Variants in CD109 observed in about 807,000 individuals in gnomAD.
CD109 encodes CD109 molecule, also known as CD109 antigen.
Under a neutral mutation model 165.8 loss-of-function variants are expected in CD109, and 149 were observed. The observed-to-expected ratio is 0.90, with a 90% CI of 0.79 to 1.03. The LOEUF is 1.03. CD109 is among the 50% of genes least tolerant of loss of function. The pLI is 0.00. For missense variants in CD109, 1,712 were observed against 1,677.8 expected (o/e 1.02, Z -0.36); for synonymous variants, 585 against 592.1 (o/e 0.99, Z 0.18).
intron 30 of CD109, 67 bp from the exon 31 acceptor site, chr6:73,818,321 A>G: frequency 6.5e-7 from 1 of 1,533,782 alleles, no homozygotes; most frequent in Non-Finnish European, 9.0e-7. Context: ...TTTTGTATGA[A>G]GATAATTTGA....
chr6:73,827,978 T>A lies in CD109; in HGVS notation c.*4345T>A, dbSNP rs1776323054. 6.5e-6 allele frequency: 1 copy of A among 154,796 alleles called. No homozygotes were observed. Among genetic ancestry groups the A allele is most frequent in the Admixed American group, 6.5e-5 (1 of 15,278 alleles). 9.6% of individuals were successfully genotyped at this position (154,796 alleles called of 1,614,324 possible). A position where few individuals can be genotyped will look rare whatever the true frequency, so the allele number is the denominator to read the frequency against. On this transcript the variant is annotated 3_prime_UTR_variant, in exon 33 of 33. Coordinates refer to ENST00000287097, the MANE Select transcript of CD109 (RefSeq NM_133493.5). ...TGTTCCATTTGTAGATCTTTAAGAT[T>A]TTATCTTTGATAACTTTAATAGAAT...
At chr6:73,701,571 C>CAG (rs1771081545) in intron 2 of CD109, among the ~76,000 whole-genome samples, 1 of 152,148 alleles carries the variant, frequency 6.6e-6, no homozygotes, top group Non-Finnish European at 1.5e-5. Flanking sequence ...ACTGTCCTCT[C>CAG]ATCTGTTAAG....
intron 26 of CD109, 144 bp from the exon 27 acceptor site, chr6:73,809,840 G>T: frequency 1.7e-6 from 1 of 578,290 alleles, no homozygotes; most frequent in South Asian, 2.4e-5. Flanking sequence ...ATAAATACAT[G>T]TCTGGCATAA....
At chr6:73,738,161 C>A (rs1434439769) in intron 5 of CD109, among the ~76,000 whole-genome samples, 1 of 152,188 alleles carries the variant, frequency 6.6e-6, no homozygotes, top group African/African-American at 2.4e-5. Flanking sequence ...TTCAGTCCAG[C>A]TTGGTGATAA....
At position 73,807,014 on chromosome 6, in the gene CD109, G is replaced by C; in HGVS notation, c.3131G>C (p.Ser1044Thr). 1 of 1,613,964 alleles carries C rather than the reference G, an allele frequency of 6.2e-7. No individual in the cohort carries two copies. The highest frequency in any genetic ancestry group is 2.2e-5 in the East Asian group (1 of 44,858). ...IHSELQGGNK[S>T]PVTLTAYIVT... The stretch of plus-strand genomic sequence containing the variant: ...AGTGAGCTTCAAGGTGGCAATAAAA[G>C]TCCAGTAACACTTACAGCCTATATT... Residue 1044 changes from serine to threonine, a missense_variant, in exon 25 of 33, where the codon AGT becomes ACT. Transcript: ENST00000287097.
At chr6:73,716,424 C>T (rs1260217512) in intron 2 of CD109, among the ~76,000 whole-genome samples, 1 of 152,200 alleles carries the variant, frequency 6.6e-6, no homozygotes, top group Non-Finnish European at 1.5e-5. Context: ...CTTTCCTCCA[C>T]ATCCTCATCA....
chr6:73,794,955 T>C (rs946940294), intron 23 of CD109, among the ~76,000 whole-genome samples: 1 of 151,522 alleles, frequency 6.6e-6, no homozygotes, highest in Non-Finnish European at 1.5e-5. Flanking sequence ...ATTTAAGTGG[T>C]ACCAAGTGGT....
intron 5 of CD109, among the ~76,000 whole-genome samples, chr6:73,742,487 G>T (rs190300521): frequency 1.3e-5 from 2 of 152,230 alleles, no homozygotes; most frequent in African/African-American, 4.8e-5. Flanking sequence ...GCTAATGTTG[G>T]TGTCTGAGAA....
chr6:73,743,255 A>G (rs1391653430), intron 5 of CD109, among the ~76,000 whole-genome samples: 2 of 152,202 alleles, frequency 1.3e-5, no homozygotes, highest in Non-Finnish European at 2.9e-5. Context: ...CATCTTTTCT[A>G]TCTGTCACTA....
intron 13 of CD109, among the ~76,000 whole-genome samples, chr6:73,767,464 G>C (rs895024642): frequency 1.3e-5 from 2 of 152,050 alleles, no homozygotes; most frequent in Non-Finnish European, 2.9e-5. Flanking sequence ...CCTTTGATGG[G>C]CATTTAGGTT....
At chr6:73,811,980 C>T (rs1475008233) in intron 28 of CD109, among the ~76,000 whole-genome samples, 1 of 152,130 alleles carries the variant, frequency 6.6e-6, no homozygotes, top group African/African-American at 2.4e-5. Flanking sequence ...AATGTGCCCT[C>T]CCATGGGCAG....
At chr6:73,793,203 A>G (rs1775036826) in intron 23 of CD109, among the ~76,000 whole-genome samples, 2 of 152,214 alleles carry the variant, frequency 1.3e-5, no homozygotes, top group African/African-American at 4.8e-5. Flanking sequence ...TCTCTTCTTA[A>G]AGAATTCGCT....
intron 2 of CD109, among the ~76,000 whole-genome samples, chr6:73,719,902 G>T (rs1329606336): frequency 6.6e-6 from 1 of 152,170 alleles, no homozygotes; most frequent in East Asian, 1.9e-4. Context: ...CTTCAATTCA[G>T]TATAGAATAT....
intron 2 of CD109, among the ~76,000 whole-genome samples, chr6:73,703,843 A>G (rs1193348149): frequency 6.6e-6 from 1 of 152,166 alleles, no homozygotes; most frequent in Non-Finnish European, 1.5e-5. Context: ...TCCAAATTGT[A>G]TTTATTAAAA....
chr6:73,722,247 A>G (rs564235987), intron 2 of CD109, among the ~76,000 whole-genome samples: 110 of 152,336 alleles, frequency 7.2e-4, no homozygotes, highest in Non-Finnish European at 1.1e-3. Context: ...ACATATTTCA[A>G]GTGTTTTCTA....
At chr6:73,823,307 T>A in intron 32 of CD109, 151 bp from the exon 33 acceptor site, 1 of 626,326 alleles carries the variant, frequency 1.6e-6, no homozygotes, top group Non-Finnish European at 2.7e-6. Context: ...GGACCACTCT[T>A]GGACATTTCA....
At chr6:73,777,600 G>A (rs1262609961) in intron 15 of CD109, among the ~76,000 whole-genome samples, 1 of 152,192 alleles carries the variant, frequency 6.6e-6, no homozygotes, top group East Asian at 1.9e-4. Context: ...TATGATGTAA[G>A]GAAGGGGTCC....
rs111300688 is a variant in CD109 at position 73,784,876 on chromosome 6, A to G, written c.2224-488A>G. On this transcript the variant is annotated intron_variant, in intron 19 of 32. Transcript: ENST00000287097. ...CACATGTATTCAGATGTCCCACACT[A>G]GAACAGGGGCTGTTGGATTTGGCAG... Among the ~76,000 whole-genome samples the G allele has an allele frequency of 1.6e-3, 239 of 152,344 alleles. 1 individual carries two copies. The highest frequency in any genetic ancestry group is 3.1e-3 in the Non-Finnish European group (213 of 68,034).
At chr6:73,717,611 CTTTTTTTTTT>C (rs779915655) in intron 2 of CD109, among the ~76,000 whole-genome samples, 4 of 74,818 alleles carry the variant, frequency 5.3e-5, no homozygotes, top group East Asian at 3.9e-4. Flanking sequence ...TCTACTGATT[CTTTTTTTTTT>C]TTTTTTTTTT....
Sources: gnomAD v4.1 joint callset for allele counts (sites outside exome capture counted in the v4.1 genomes callset) on GRCh38, gnomAD v4.1.1 for gene constraint, MANE v1.5 for transcripts, NCBI Gene and HGNC (gene_info 2026-07-23, HGNC 2026-07-21) for gene names.